Variants in NTRK1 observed in about 807,000 individuals in gnomAD.
The protein encoded by NTRK1 is high affinity nerve growth factor receptor.
Under a neutral mutation model 86.8 loss-of-function variants are expected in NTRK1, and 62 were observed. The observed-to-expected ratio is 0.71, with a 90% CI of 0.58 to 0.88. NTRK1 has a LOEUF of 0.88. Among genes scored for constraint, NTRK1 ranks in the 40% least tolerant of loss-of-function variants. The probability of loss-of-function intolerance (pLI) is 0.00; values close to 1 mark genes in which losing one functional copy is unlikely to be tolerated. For synonymous variants in NTRK1, 469 were observed against 456.6 expected, an observed-to-expected ratio of 1.03 and a Z score of -0.35; for missense variants, 967 against 1,078.4, an observed-to-expected ratio of 0.90 and a Z score of 1.45.
chr1:156,851,749 C>T (rs1655217750), intron 2 of NTRK1: 2 of 1,613,798 alleles, frequency 1.2e-6, no homozygotes, highest in Non-Finnish European at 1.7e-6. Flanking sequence ...CTACCTTGCA[C>T]TCTTTAGGGC....
chr1:156,860,332 C>CT (rs1364759505), upstream of NTRK1, among the ~76,000 whole-genome samples: 4 of 152,258 alleles, frequency 2.6e-5, no homozygotes, highest in Non-Finnish European at 5.9e-5. Context: ...TAGGCGACCC[C>CT]TTCCCTTTCT....
Position 156,825,940 on chromosome 1 carries a change from G to T in NTRK1, c.-64+10102G>T, listed in dbSNP as rs528478356. ...TACAGACAGGGAGTCTGAGACTTGG[G>T]GAGGTTAAATGACTTGCCCAGGGCC... is the stretch of plus-strand genomic sequence containing the variant. On this transcript the variant is annotated intron_variant, in intron 1 of 16. Transcript: ENST00000392302. Among the ~76,000 whole-genome samples, 7 of 152,200 alleles carry T rather than the reference G, an allele frequency of 4.6e-5. No individual in the cohort carries two copies. In the South Asian group the frequency reaches 1.4e-3, roughly 31 times the overall value.
intron 1 of NTRK1, chr1:156,841,144 C>A: frequency 6.9e-7 from 1 of 1,452,582 alleles, no homozygotes. Flanking sequence ...CATCCGGGAG[C>A]CCCTGCCACG....
At chr1:156,850,530 C>CATT (rs1655167133) in intron 2 of NTRK1, among the ~76,000 whole-genome samples, 1 of 107,150 alleles carries the variant, frequency 9.3e-6, no homozygotes, top group Non-Finnish European at 1.8e-5. Context: ...TAATTTAAAA[C>CATT]ATTCTTTTTT....
chr1:156,880,352 C>T (rs1320777257), intron 16 of NTRK1, 195 bp downstream of exon 16: 2 of 647,602 alleles, frequency 3.1e-6, no homozygotes, highest in Admixed American at 2.7e-5. Context: ...CTTGCCTTCA[C>T]CTACTGTCCT....
intron 1 of NTRK1, among the ~76,000 whole-genome samples, chr1:156,826,957 A>G (rs1238245441): frequency 6.6e-6 from 1 of 152,250 alleles, no homozygotes; most frequent in Non-Finnish European, 1.5e-5. Flanking sequence ...TCCTGTATCT[A>G]TTTAGTAAAC....
chr1:156,858,316 C>T (rs959242866), upstream of NTRK1, among the ~76,000 whole-genome samples: 5 of 152,170 alleles, frequency 3.3e-5, no homozygotes, highest in Admixed American at 1.3e-4. Context: ...TACTTGTCCA[C>T]GTTTTGAAGC....
chr1:156,844,598 A>T (rs778123969), intron 2 of NTRK1: 1 of 1,614,178 alleles, frequency 6.2e-7, no homozygotes, highest in South Asian at 1.1e-5. Context: ...CATATCGAAG[A>T]CGGGACACAC....
intron 11 of NTRK1, among the ~76,000 whole-genome samples, 178 bp from the exon 12 acceptor site, chr1:156,875,342 G>A (rs1254922368): frequency 1.3e-5 from 2 of 152,070 alleles, no homozygotes; most frequent in South Asian, 2.1e-4. Context: ...GGTGGGACAG[G>A]AGCCAGCACA....
At chr1:156,852,968 G>T (rs1475983823) in intron 2 of NTRK1, among the ~76,000 whole-genome samples, 1 of 151,930 alleles carries the variant, frequency 6.6e-6, no homozygotes, top group African/African-American at 2.4e-5. Flanking sequence ...AGACCACCAG[G>T]TTGGGGGACC....
chr1:156,826,713 A>G (rs1218729419), intron 1 of NTRK1, among the ~76,000 whole-genome samples: 1 of 152,242 alleles, frequency 6.6e-6, no homozygotes, highest in Admixed American at 6.5e-5. Context: ...GCAGGAATGT[A>G]TGCTTTGCAG....
chr1:156,857,053 T>G (rs568845239), upstream of NTRK1, among the ~76,000 whole-genome samples: 4 of 151,922 alleles, frequency 2.6e-5, no homozygotes, highest in African/African-American at 9.7e-5. Flanking sequence ...CCATTCCTGA[T>G]AGTTTGTTAA....
chr1:156,843,303 TCTC>T (rs1172135608), intron 2 of NTRK1: 4 of 1,570,156 alleles, frequency 2.5e-6, no homozygotes, highest in East Asian at 2.2e-5. Flanking sequence ...CAACTTCTCT[TCTC>T]CTCTTCTGAA....
At chr1:156,870,454 AG>A (rs2102898217) in intron 6 of NTRK1, among the ~76,000 whole-genome samples, 1 of 152,314 alleles carries the variant, frequency 6.6e-6, no homozygotes, top group South Asian at 2.1e-4. Context: ...TAGGAGGATA[AG>A]GGGTGGCAGA....
Position 156,864,872 on chromosome 1 carries a change from G to A in NTRK1, c.359+73G>A, listed in dbSNP as rs551070925. ...ACTTGGGCTGCTAATGGGCTTGGCTGTCCCCGGGGAATGATTGCGAGGAGG... is the reference window on the plus strand; with the variant it reads ...ACTTGGGCTGCTAATGGGCTTGGCTATCCCCGGGGAATGATTGCGAGGAGG... On this transcript the variant is annotated intron_variant, in intron 3 of 16. Transcript: ENST00000524377. 2.7e-5 allele frequency: 39 copies of A among 1,451,944 alleles called. No homozygotes were observed. In the East Asian group the frequency reaches 8.3e-4, roughly 31 times the overall value. 89.9% of individuals were successfully genotyped at this position (1,451,944 alleles called of 1,614,324 possible). A position where few individuals can be genotyped will look rare whatever the true frequency, so the allele number is the denominator to read the frequency against.
intron 1 of NTRK1, among the ~76,000 whole-genome samples, chr1:156,835,567 A>T (rs1654577022): frequency 1.3e-5 from 2 of 152,228 alleles, no homozygotes; most frequent in African/African-American, 4.8e-5. Context: ...ATGCATATTT[A>T]TGCTTCCAGA....
At chr1:156,839,218 C>T (rs1458655561) in intron 1 of NTRK1, among the ~76,000 whole-genome samples, 6 of 152,242 alleles carry the variant, frequency 3.9e-5, no homozygotes, top group Non-Finnish European at 1.5e-5. Flanking sequence ...CGTGCCCACT[C>T]CACTCTGGTG....
intron 16 of NTRK1, chr1:156,880,429 T>A (rs1648190757): frequency 3.8e-6 from 2 of 533,070 alleles, no homozygotes; most frequent in Admixed American, 6.4e-5. Flanking sequence ...CAGACCCCCA[T>A]CCCTAGCTGC....
chr1:156,850,192 G>A (rs1301818980), intron 2 of NTRK1, among the ~76,000 whole-genome samples: 1 of 151,978 alleles, frequency 6.6e-6, no homozygotes, highest in East Asian at 1.9e-4. Flanking sequence ...ACGAGCCACC[G>A]CATCTGGCCT....
Sources: allele counts gnomAD v4.1 joint callset (sites outside exome capture counted in the v4.1 genomes callset), GRCh38; gene constraint gnomAD v4.1.1; transcripts MANE v1.5; gene names NCBI Gene and HGNC (gene_info 2026-07-23, HGNC 2026-07-21).